The following SNX29 variants were observed in gnomAD, a reference collection of about 807,000 sequenced individuals.
SNX29 encodes the protein sorting nexin 29.
Under a neutral mutation model 102.1 loss-of-function variants are expected in SNX29, and 78 were observed. That is an observed-to-expected ratio of 0.76 (90% CI 0.64 to 0.92). The LOEUF is 0.92. Ranked by LOEUF, SNX29 falls within the 40% of genes least tolerant of loss-of-function variation. The pLI, the probability that SNX29 is intolerant of heterozygous loss-of-function variation, is 0.00. For missense variants in SNX29, 1,280 were observed against 1,061.7 expected (o/e 1.21, Z -2.86); for synonymous variants, 580 against 414.5 (o/e 1.40, Z -4.85).
chr16:12,453,706 T>G (rs1166600790), intron 18 of SNX29, among the ~76,000 whole-genome samples: 1 of 152,188 alleles, frequency 6.6e-6, no homozygotes, highest in East Asian at 1.9e-4. Flanking sequence ...TTTCTTGCTT[T>G]TTGCATAAAA....
chr16:12,302,357 C>T (rs868720457), intron 15 of SNX29, among the ~76,000 whole-genome samples: 11 of 152,216 alleles, frequency 7.2e-5, no homozygotes, highest in African/African-American at 2.4e-4. Flanking sequence ...TTCTGTTTAT[C>T]ATTATTGATT....
At chr16:12,046,590 C>T (rs2050100243) in intron 6 of SNX29, 136 bp downstream of exon 6, 3 of 754,466 alleles carry the variant, frequency 4.0e-6, no homozygotes, top group Non-Finnish European at 6.9e-6. Context: ...TGCTGCTGTC[C>T]TTCTTTTACT....
intron 3 of SNX29, among the ~76,000 whole-genome samples, chr16:12,008,821 A>C (rs2056546968): frequency 6.7e-6 from 1 of 150,284 alleles, no homozygotes; most frequent in Non-Finnish European, 1.5e-5. Context: ...AGTTCACTGC[A>C]ACCTCCACCT....
intron 15 of SNX29, among the ~76,000 whole-genome samples, chr16:12,339,819 A>C (rs2081560783): frequency 6.6e-6 from 1 of 152,194 alleles, no homozygotes; most frequent in African/African-American, 2.4e-5. Context: ...GTCTTCTGCC[A>C]TCCCTGAACC....
intron 13 of SNX29, among the ~76,000 whole-genome samples, chr16:12,131,752 A>G (rs539477179): frequency 6.6e-6 from 1 of 152,324 alleles, no homozygotes; most frequent in East Asian, 1.9e-4. Context: ...TTATAGCAGC[A>G]GCATTTACCT....
chr16:12,032,307 A>G (rs1046906676), intron 4 of SNX29, among the ~76,000 whole-genome samples: 1 of 151,382 alleles, frequency 6.6e-6, no homozygotes, highest in African/African-American at 2.4e-5. Flanking sequence ...TCCTGGGTTC[A>G]AGCGATTCTC....
At chr16:11,996,618 A>C (rs1332290364) in intron 1 of SNX29, among the ~76,000 whole-genome samples, 1 of 152,212 alleles carries the variant, frequency 6.6e-6, no homozygotes, top group Non-Finnish European at 1.5e-5. Flanking sequence ...AACCCTGTCA[A>C]GTTTCCAGTT....
chr16:12,327,594 T>A (rs1488212235), intron 15 of SNX29, among the ~76,000 whole-genome samples: 1 of 152,084 alleles, frequency 6.6e-6, no homozygotes, highest in Admixed American at 6.5e-5. Context: ...CTTAGTTACC[T>A]CCTTAAAGCC....
At chr16:12,248,236 C>A (rs986388156) in intron 14 of SNX29, among the ~76,000 whole-genome samples, 2 of 152,186 alleles carry the variant, frequency 1.3e-5, no homozygotes, top group Non-Finnish European at 2.9e-5. Flanking sequence ...CCCACAGGAT[C>A]CAGCCCTGGC....
chr16:12,428,144 C>T (rs2085159480), intron 18 of SNX29, among the ~76,000 whole-genome samples: 1 of 152,136 alleles, frequency 6.6e-6, no homozygotes, highest in African/African-American at 2.4e-5. Context: ...CCTCATCACC[C>T]ATCATGCAAA....
At chr16:12,078,511 G>A (rs2051700054) in intron 10 of SNX29, among the ~76,000 whole-genome samples, 1 of 152,162 alleles carries the variant, frequency 6.6e-6, no homozygotes, top group Non-Finnish European at 1.5e-5. Flanking sequence ...TGTTTACGGT[G>A]TGAGATCTGA....
chr16:12,048,692 T>A (rs2050187398), intron 7 of SNX29, 72 bp downstream of exon 7: 2 of 1,612,866 alleles, frequency 1.2e-6, no homozygotes, highest in African/African-American at 2.7e-5. Flanking sequence ...ACATATCTTG[T>A]CATCTGAAAG....
chr16:12,325,720 G>A (rs919746827), intron 15 of SNX29, among the ~76,000 whole-genome samples: 3 of 152,004 alleles, frequency 2.0e-5, no homozygotes, highest in African/African-American at 2.4e-5. Context: ...TTTTATCAGC[G>A]GGATTATATT....
intron 19 of SNX29, among the ~76,000 whole-genome samples, chr16:12,521,119 G>A (rs1203971697): frequency 6.6e-6 from 1 of 152,186 alleles, no homozygotes; most frequent in East Asian, 1.9e-4. Flanking sequence ...GGCGGAGGTT[G>A]CAGTGAGCTG....
At chr16:12,268,894 G>A (rs2142584216) in intron 14 of SNX29, among the ~76,000 whole-genome samples, 1 of 152,228 alleles carries the variant, frequency 6.6e-6, no homozygotes, top group East Asian at 1.9e-4. Context: ...CTGCTAGCAA[G>A]CTCAGCACAG....
chr16:12,219,691 T>C (rs2077423895), intron 14 of SNX29, among the ~76,000 whole-genome samples: 1 of 152,254 alleles, frequency 6.6e-6, no homozygotes, highest in Non-Finnish European at 1.5e-5. Context: ...TAACACATAA[T>C]GTTTTTCTAA....
rs961491915 is a variant in SNX29, at chr16:12,186,360, T to C, written c.1596-13241T>C. ...GCTCTATTGGAGACAGATTTATCTG[T>C]ATCTATATCTCTGTGTATCCATACA... On this transcript the variant is annotated intron_variant, in intron 13 of 20. Transcript: ENST00000566228. Among the ~76,000 whole-genome samples, 60 of 152,242 alleles carry C rather than the reference T, an allele frequency of 3.9e-4. 3 individuals carry two copies.
rs1440234996 is a variant in SNX29 at position 12,129,735 on chromosome 16, C to T, written c.1572C>T (p.Gly524=). 1.9e-6 allele frequency: 3 copies of T among 1,608,972 alleles called. No homozygotes were observed. Among genetic ancestry groups the T allele is most frequent in the Non-Finnish European group, 2.5e-6 (3 of 1,178,694 alleles). The change falls in exon 13 of 21, where the codon GGC becomes GGT. Residue 524 remains glycine (G), a synonymous_variant. Coordinates refer to ENST00000566228, the MANE Select transcript of SNX29 (RefSeq NM_032167.5). ...RKVAEQEERQ[G]MKVQALAREN... ...TGGCTGAACAGGAGGAGCGGCAGGG[C>T]ATGAAGGTCCAGGCGCTGGCCAGGT...
intron 15 of SNX29, among the ~76,000 whole-genome samples, chr16:12,352,659 C>G (rs906191282): frequency 6.6e-6 from 1 of 152,250 alleles, no homozygotes; most frequent in Non-Finnish European, 1.5e-5. Flanking sequence ...GTGCACCTTG[C>G]AAGCACAAGT....
Sources: gnomAD v4.1 joint callset for allele counts (sites outside exome capture counted in the v4.1 genomes callset) on GRCh38, gnomAD v4.1.1 for gene constraint, MANE v1.5 for transcripts, NCBI Gene and HGNC (gene_info 2026-07-23, HGNC 2026-07-21) for gene names.